SPATA16: variants seen among roughly 807,000 people sequenced by gnomAD.
The protein encoded by SPATA16 is spermatogenesis associated 16.
SPATA16 carries 36 observed loss-of-function variants against 63.3 expected under a neutral mutation model. The observed-to-expected ratio is 0.57, with a 90% CI of 0.44 to 0.75. SPATA16 has a LOEUF of 0.75. SPATA16 is among the 30% of genes least tolerant of loss of function. SPATA16 has a pLI of 0.00. For synonymous variants in SPATA16, 203 were observed against 216.7 expected, an observed-to-expected ratio of 0.94 and a Z score of 0.56; for missense variants, 646 against 679.3, an observed-to-expected ratio of 0.95 and a Z score of 0.54.
intron 3 of SPATA16, among the ~76,000 whole-genome samples, chr3:173,039,728 T>G (rs1735794778): frequency 6.6e-6 from 1 of 152,006 alleles, no homozygotes; most frequent in Non-Finnish European, 1.5e-5. Context: ...TGCTATCAAC[T>G]TGAATATAAG....
intron 10 of SPATA16, among the ~76,000 whole-genome samples, chr3:172,907,006 G>T (rs146988107): frequency 1.2e-3 from 188 of 152,250 alleles, no homozygotes; most frequent in African/African-American, 4.4e-3. Context: ...TTTGGTATAT[G>T]TAAAGTAAAT....
chr3:172,984,014 T>C (rs1177757897), intron 4 of SPATA16, among the ~76,000 whole-genome samples: 1 of 151,398 alleles, frequency 6.6e-6, no homozygotes, highest in Non-Finnish European at 1.5e-5. Context: ...TAAATAAGCT[T>C]CACATTTTGT....
intron 4 of SPATA16, among the ~76,000 whole-genome samples, chr3:173,006,710 T>C (rs1376280427): frequency 6.6e-6 from 1 of 152,232 alleles, no homozygotes; most frequent in East Asian, 1.9e-4. Flanking sequence ...AGTGATTACT[T>C]ATCTACAGCA....
intron 5 of SPATA16, among the ~76,000 whole-genome samples, chr3:172,959,819 T>TATATATATATA (rs1733708169): frequency 2.1e-5 from 3 of 145,230 alleles, no homozygotes; most frequent in Admixed American, 6.9e-5. Flanking sequence ...TATATATATA[T>TATATATATATA]TTAGCATTAT....
chr3:173,013,173 C>T (rs1403033745), intron 4 of SPATA16, among the ~76,000 whole-genome samples: 1 of 152,148 alleles, frequency 6.6e-6, no homozygotes, highest in Non-Finnish European at 1.5e-5. Flanking sequence ...AAATGCTCAA[C>T]ATAGCTAATA....
chr3:172,906,621 A>G (rs1047829506), intron 10 of SPATA16, among the ~76,000 whole-genome samples: 3 of 152,232 alleles, frequency 2.0e-5, no homozygotes, highest in African/African-American at 7.2e-5. Context: ...AGGCAGCACA[A>G]AACTTGGGCT....
chr3:173,089,862 G>A (rs67456152), intron 2 of SPATA16, among the ~76,000 whole-genome samples: 17,784 of 152,216 alleles, frequency 0.12, 1,094 homozygotes, highest in African/African-American at 0.14. Context: ...GGCCTAAGCC[G>A]TGGCTGAGAT....
intron 2 of SPATA16, among the ~76,000 whole-genome samples, chr3:173,066,662 C>T (rs570903433): frequency 1.6e-4 from 24 of 152,252 alleles, no homozygotes; most frequent in African/African-American, 5.8e-4. Context: ...TGCTTAATCC[C>T]TTTTGAATTC....
At chr3:173,101,734 C>T (rs1737501802) in intron 2 of SPATA16, among the ~76,000 whole-genome samples, 1 of 152,114 alleles carries the variant, frequency 6.6e-6, no homozygotes, top group Non-Finnish European at 1.5e-5. Flanking sequence ...CATGAAATTG[C>T]TTAACCTCTC....
At chr3:172,999,406 T>TG (rs1734765917) in intron 4 of SPATA16, among the ~76,000 whole-genome samples, 1 of 151,958 alleles carries the variant, frequency 6.6e-6, no homozygotes. Context: ...TTTCTTTCTT[T>TG]CTTTCTTTCT....
At chr3:172,920,228 C>A (rs1324013523) in intron 8 of SPATA16, among the ~76,000 whole-genome samples, 1 of 152,104 alleles carries the variant, frequency 6.6e-6, no homozygotes, top group East Asian at 1.9e-4. Flanking sequence ...GAAGGTGACA[C>A]AATGTCACCA....
chr3:172,946,789 G>A (rs761855019), intron 6 of SPATA16, among the ~76,000 whole-genome samples: 2 of 152,034 alleles, frequency 1.3e-5, no homozygotes, highest in African/African-American at 2.4e-5. Context: ...AGGGAAGGAC[G>A]CAAGCCTGGC....
At chr3:173,062,048 T>G (rs1736393115) in intron 2 of SPATA16, among the ~76,000 whole-genome samples, 1 of 55,698 alleles carries the variant, frequency 1.8e-5, no homozygotes, top group African/African-American at 1.4e-4. Flanking sequence ...TTCAACATTT[T>G]TTTTTTTTTT....
At chr3:173,136,745 C>G (rs1192043392) in intron 1 of SPATA16, among the ~76,000 whole-genome samples, 1 of 152,144 alleles carries the variant, frequency 6.6e-6, no homozygotes, top group Non-Finnish European at 1.5e-5. Context: ...ATAGGGTGAC[C>G]TAATGACCAG....
intron 2 of SPATA16, 24 bp downstream of exon 2, chr3:173,117,096 T>C (rs746206648): frequency 2.5e-6 from 4 of 1,607,774 alleles, no homozygotes; most frequent in Non-Finnish European, 3.4e-6. Flanking sequence ...CTGTCACCAA[T>C]CTATATTTTC....
chr3:172,958,091 A>G (rs565518990), intron 5 of SPATA16, among the ~76,000 whole-genome samples: 2 of 152,338 alleles, frequency 1.3e-5, no homozygotes, highest in South Asian at 2.1e-4. Context: ...GGCCTTCAAC[A>G]TTGTCCTGTT....
chr3:173,133,200 A>C (rs998337270), intron 1 of SPATA16, among the ~76,000 whole-genome samples: 4 of 152,178 alleles, frequency 2.6e-5, no homozygotes, highest in African/African-American at 9.7e-5. Context: ...GTGATACTGG[A>C]ACTGAAACCT....
intron 8 of SPATA16, among the ~76,000 whole-genome samples, 171 bp downstream of exon 8, chr3:172,924,037 T>A (rs947469588): frequency 1.3e-5 from 2 of 152,184 alleles, no homozygotes; most frequent in Non-Finnish European, 2.9e-5. Flanking sequence ...TGTTTTAGAA[T>A]AACAGAAATA....
chr3:173,046,365 T>C (rs1373402004), intron 3 of SPATA16, among the ~76,000 whole-genome samples: 3 of 152,022 alleles, frequency 2.0e-5, no homozygotes, highest in African/African-American at 7.2e-5. Flanking sequence ...TTGACTATTT[T>C]AGTTTAAATG....
Sources: allele counts gnomAD v4.1 joint callset (sites outside exome capture counted in the v4.1 genomes callset), GRCh38; gene constraint gnomAD v4.1.1; transcripts MANE v1.5; gene names NCBI Gene and HGNC (gene_info 2026-07-23, HGNC 2026-07-21).